Variants in PIP5K1C observed in about 807,000 individuals in gnomAD.
PIP5K1C encodes phosphatidylinositol 4-phosphate 5-kinase type-1 gamma.
A neutral mutation model predicts 80.1 loss-of-function variants in PIP5K1C; 45 were observed. That is an observed-to-expected ratio of 0.56 (90% CI 0.44 to 0.72). PIP5K1C has a LOEUF of 0.72. Ranked by LOEUF, PIP5K1C falls within the 30% of genes least tolerant of loss-of-function variation. The pLI is 0.00. For synonymous variants in PIP5K1C, 498 were observed against 420.1 expected (o/e 1.19, Z -2.27); for missense variants, 753 against 954.6 (o/e 0.79, Z 2.78).
chr19:3,659,141 CT>C (rs1291125069), intron 5 of PIP5K1C, among the ~76,000 whole-genome samples: 4 of 152,218 alleles, frequency 2.6e-5, no homozygotes, highest in African/African-American at 9.6e-5. Context: ...CTCGAGTCCC[CT>C]CCGAACCCTA....
Position 3,644,127 on chromosome 19 carries a change from G to A in PIP5K1C, c.1470C>T (p.Asp490=). Residue 490 remains aspartate, a synonymous_variant, in exon 12 of 18, where the codon GAC becomes GAT. Coordinates refer to ENST00000335312, the MANE Select transcript of PIP5K1C (RefSeq NM_012398.3). ...IPSEREEAQY[D]LRGARSYPTL... is the part of the protein sequence containing the mutation. ...TGGGGTAGCTGCGGGCCCCCCGCAG[G>A]TCGTACTGGGCCTCCTCCCGCTCGC... The A allele has an allele frequency of 1.2e-6, 2 of 1,611,782 alleles. No homozygotes were observed. Among genetic ancestry groups the A allele is most frequent in the Non-Finnish European group, 1.7e-6 (2 of 1,179,862 alleles).
At chr19:3,652,779 G>A (rs1162888886) in intron 7 of PIP5K1C, among the ~76,000 whole-genome samples, 1 of 152,162 alleles carries the variant, frequency 6.6e-6, no homozygotes, top group African/African-American at 2.4e-5. Flanking sequence ...TTTGATGGGT[G>A]AGGAAACTGA....
chr19:3,641,102 C>T (rs1053936923), intron 15 of PIP5K1C, among the ~76,000 whole-genome samples: 2 of 151,912 alleles, frequency 1.3e-5, no homozygotes, highest in African/African-American at 4.8e-5. Flanking sequence ...GTAGTCCCAG[C>T]TACTCAGGAG....
intron 10 of PIP5K1C, among the ~76,000 whole-genome samples, chr19:3,646,505 G>A (rs1458811164): frequency 6.6e-6 from 1 of 152,052 alleles, no homozygotes; most frequent in African/African-American, 2.4e-5. Context: ...CTCCACCCCC[G>A]CAGGCTGCAG....
At chr19:3,641,387 G>C (rs2033954184) in intron 15 of PIP5K1C, among the ~76,000 whole-genome samples, 1 of 152,072 alleles carries the variant, frequency 6.6e-6, no homozygotes, top group Non-Finnish European at 1.5e-5. Flanking sequence ...CTTCTCTGGG[G>C]TGGGGCCATC....
At chr19:3,650,244 G>A (rs1309350021) in intron 8 of PIP5K1C, among the ~76,000 whole-genome samples, 3 of 152,204 alleles carry the variant, frequency 2.0e-5, no homozygotes, top group East Asian at 1.9e-4. Flanking sequence ...CCACACCTTC[G>A]TGGCTGCACT....
At chr19:3,661,653 C>A (rs950476971) in intron 4 of PIP5K1C, among the ~76,000 whole-genome samples, 2 of 152,268 alleles carry the variant, frequency 1.3e-5, no homozygotes, top group African/African-American at 2.4e-5. Context: ...TAACTTCTAT[C>A]TTTTCTTTTT....
intron 1 of PIP5K1C, among the ~76,000 whole-genome samples, chr19:3,697,484 G>A (rs973321424): frequency 1.4e-5 from 2 of 147,490 alleles, no homozygotes; most frequent in African/African-American, 5.0e-5. Flanking sequence ...AGCTGGACCG[G>A]GGAGGACCGA....
At chr19:3,680,845 C>T (rs2035568979) in intron 1 of PIP5K1C, among the ~76,000 whole-genome samples, 1 of 152,144 alleles carries the variant, frequency 6.6e-6, no homozygotes, top group Non-Finnish European at 1.5e-5. Flanking sequence ...GAGGTCTCAC[C>T]AGGGGAGACT....
At position 3,688,384 on chromosome 19, in the gene PIP5K1C, G is replaced by A. The variant is rs1345326044; in HGVS notation, c.94+11913C>T. On this transcript the variant is annotated intron_variant, in intron 1 of 17. Coordinates refer to ENST00000335312, the MANE Select transcript of PIP5K1C (RefSeq NM_012398.3). The surrounding 1 kb of genome is among the most constrained non-coding windows in gnomAD (Gnocchi z 5.3). ...GCTCCTGTTCCTCACCTGCGAGGGG[G>A]GGACGGCCTCTGGCCCCCTGCTGTG... Among the ~76,000 whole-genome samples the A allele has an allele frequency of 2.0e-5, 3 of 152,172 alleles. No individual in the cohort carries two copies. Among genetic ancestry groups the A allele is most frequent in the Non-Finnish European group, 2.9e-5 (2 of 68,020 alleles).
chr19:3,639,614 T>G (rs1015870270), intron 15 of PIP5K1C, among the ~76,000 whole-genome samples: 3 of 151,642 alleles, frequency 2.0e-5, no homozygotes, highest in Non-Finnish European at 2.9e-5. Flanking sequence ...TTTTTTTTTT[T>G]AGAGATGGGG....
intron 1 of PIP5K1C, among the ~76,000 whole-genome samples, chr19:3,667,883 C>T (rs749666204): frequency 1.2e-4 from 18 of 151,790 alleles, no homozygotes; most frequent in Admixed American, 7.9e-4. Flanking sequence ...GGCAGGCCCC[C>T]GCTGGGGCGA....
Position 3,641,754 on chromosome 19 carries a change from C to A in PIP5K1C, c.1738G>T (p.Glu580Ter). The A allele has an allele frequency of 6.2e-7, 1 of 1,611,806 alleles. No individual in the cohort carries two copies. ...ACAATCTCCACGCTGCACGCAGGCTCCACCTGCACTGTAATCTGCTGCAGA... is the reference window on the plus strand; with the variant it reads ...ACAATCTCCACGCTGCACGCAGGCTACACCTGCACTGTAATCTGCTGCAGA... ...EDLQQITVQV[E>*]PACSVEIVVP... Residue 580 changes from glutamate to a stop codon, truncating the protein, a stop_gained, in exon 15 of 18, where the codon GAG becomes TAG. Coordinates refer to ENST00000335312, the MANE Select transcript of PIP5K1C (RefSeq NM_012398.3). LOFTEE classifies it high-confidence loss of function.
rs34633286 is a variant in PIP5K1C, at chr19:3,633,466, G to A, written c.1975C>T (p.Pro659Ser). 6.0e-3 allele frequency: 9,117 copies of A among 1,508,592 alleles called. 37 individuals carry two copies. The highest frequency in any genetic ancestry group is 7.7e-3 in the Non-Finnish European group (8,669 of 1,126,404). 93.5% of individuals were successfully genotyped at this position (1,508,592 alleles called of 1,614,324 possible). ...YSPLHYSAQA[P>S]PASDGESDT ...TCGCTCTCGCCGTCGGAGGCCGGGG[G>A]GGCCTGGGCGCTATAGTGGAGCGGG... Residue 659 changes from proline (P) to serine (S), a missense_variant, in exon 17 of 18, where the codon CCC becomes TCC. Transcript: ENST00000335312.
Position 3,692,377 on chromosome 19 carries a change from C to T in PIP5K1C, c.94+7920G>A, listed in dbSNP as rs994359707. ...GGCTCCTGGGGCCTCCCTCGCAGCTCGGCCATGCTGGGCCCCGGCGGCCCC... is the reference window on the plus strand; with the variant it reads ...GGCTCCTGGGGCCTCCCTCGCAGCTTGGCCATGCTGGGCCCCGGCGGCCCC... On this transcript the variant is annotated intron_variant, in intron 1 of 17. Coordinates refer to ENST00000335312, the MANE Select transcript of PIP5K1C (RefSeq NM_012398.3). This position sits in a 1 kb window ranked among gnomAD's most constrained non-coding sequence, Gnocchi z 5.2. Among the ~76,000 whole-genome samples the T allele has an allele frequency of 6.6e-5, 10 of 152,174 alleles. No homozygotes were observed. Among genetic ancestry groups the T allele is most frequent in the South Asian group, 2.1e-4 (1 of 4,838 alleles).
intron 1 of PIP5K1C, chr19:3,670,030 G>T (rs2145522907): frequency 6.6e-6 from 1 of 150,700 alleles, no homozygotes; most frequent in Middle Eastern, 3.4e-3. Flanking sequence ...TATGGAGGGG[G>T]CTGGGGCCAG....
rs1286361987 is a variant in PIP5K1C at position 3,656,498 on chromosome 19, G to C, written c.528C>G (p.Leu176=). 1.2e-6 allele frequency: 2 copies of C among 1,613,830 alleles called. No individual in the cohort carries two copies. The highest frequency in any genetic ancestry group is 4.5e-5 in the East Asian group (2 of 44,880). ...ELSNPGASGS[L]FYVTSDDEFI... is the part of the protein sequence containing the mutation. The stretch of plus-strand genomic sequence containing the variant: ...ACTCGTCGTCGCTGGTGACGTAGAA[G>C]AGGGAGCCACTGGCGCCCGGGTTGG... The change falls in exon 6 of 18, where the codon CTC becomes CTG. Residue 176 remains leucine, a synonymous_variant. Transcript: ENST00000335312.
intron 1 of PIP5K1C, among the ~76,000 whole-genome samples, chr19:3,697,844 T>TTCCC (rs2036174416): frequency 1.3e-5 from 2 of 152,116 alleles, no homozygotes; most frequent in African/African-American, 4.8e-5. Flanking sequence ...CACAGCCGCA[T>TTCCC]CCCAAGCCCC....
chr19:3,637,110 G>T lies in PIP5K1C; in HGVS notation c.1920+1774C>A, dbSNP rs1332934317. ...CAGAGCCCGGCCCTGCAGCCACTCT[G>T]CTGACCTGTGCAACCTCCCCTGTGC... On this transcript the variant is annotated intron_variant, in intron 16 of 17. Transcript: ENST00000335312. The surrounding 1 kb of genome is among the most constrained non-coding windows in gnomAD (Gnocchi z 7.0). 1.0e-5 allele frequency: 14 copies of T among 1,341,988 alleles called. No individual in the cohort carries two copies. Among genetic ancestry groups the T allele is most frequent in the African/African-American group, 3.0e-5 (2 of 67,402 alleles). The allele number at this position is 1,341,988 out of a possible 1,614,324, so 83.1% of individuals were successfully genotyped here. A position where few individuals can be genotyped will look rare whatever the true frequency, so the allele number is the denominator to read the frequency against.
Sources: allele counts gnomAD v4.1 joint callset (sites outside exome capture counted in the v4.1 genomes callset), GRCh38; gene constraint gnomAD v4.1.1; non-coding constraint Gnocchi (gnomAD v3.1); transcripts MANE v1.5; gene names NCBI Gene and HGNC (gene_info 2026-07-23, HGNC 2026-07-21).